The following IL1RAPL1 variants were observed in gnomAD, a reference collection of about 807,000 sequenced individuals.
IL1RAPL1 encodes the protein interleukin 1 receptor accessory protein like 1.
IL1RAPL1 carries 3 observed loss-of-function variants against 48.4 expected under a neutral mutation model. That is an observed-to-expected ratio of 0.06 (90% CI 0.03 to 0.16). The LOEUF (loss-of-function observed/expected upper bound fraction) is 0.16. Among genes scored for constraint, IL1RAPL1 ranks in the 10% least tolerant of loss-of-function variants. The pLI is 1.00. For synonymous variants in IL1RAPL1, 185 were observed against 187.7 expected (o/e 0.99, Z 0.12); for missense variants, 349 against 530.6 (o/e 0.66, Z 3.36).
intron 3 of IL1RAPL1, among the ~76,000 whole-genome samples, chrX:29,322,918 C>A (rs762197841): frequency 8.9e-6 from 1 of 111,895 alleles, no homozygotes; most frequent in Admixed American, 9.5e-5. Context: ...CTATTCAACC[C>A]TTCTCAACCT....
intron 1 of IL1RAPL1, among the ~76,000 whole-genome samples, chrX:28,675,648 A>G (rs1483461271): frequency 1.8e-5 from 2 of 112,051 alleles, no homozygotes; most frequent in Middle Eastern, 4.7e-3. Flanking sequence ...CGCATAATAT[A>G]TTGAGCATGT....
At chrX:29,330,085 T>C (rs1932872594) in intron 3 of IL1RAPL1, among the ~76,000 whole-genome samples, 1 of 111,031 alleles carries the variant, frequency 9.0e-6, no homozygotes, top group Non-Finnish European at 1.9e-5. Flanking sequence ...TGCTCTGCAA[T>C]TACATGGTAG....
At chrX:29,010,390 A>T (rs1926094339) in intron 2 of IL1RAPL1, among the ~76,000 whole-genome samples, 1 of 111,373 alleles carries the variant, frequency 9.0e-6, no homozygotes, top group Non-Finnish European at 1.9e-5. Context: ...TTTGTCATAG[A>T]TGTCTCATTA....
At chrX:28,869,119 A>G (rs1416932101) in intron 2 of IL1RAPL1, among the ~76,000 whole-genome samples, 1 of 112,702 alleles carries the variant, frequency 8.9e-6, no homozygotes, top group Non-Finnish European at 1.9e-5. Flanking sequence ...TGGTACTACA[A>G]TGTCCTCGAT....
intron 3 of IL1RAPL1, among the ~76,000 whole-genome samples, chrX:29,343,385 C>T: frequency 9.0e-6 from 1 of 111,189 alleles, no homozygotes; most frequent in Admixed American, 9.6e-5. Context: ...AGAAGTGGTA[C>T]AGGCCTAATG....
chrX:28,622,955 A>G (rs951639430), intron 1 of IL1RAPL1, among the ~76,000 whole-genome samples: 9 of 111,771 alleles, frequency 8.1e-5, no homozygotes, highest in African/African-American at 2.9e-4. Flanking sequence ...AATTGTGTGT[A>G]GAAAAAAATA....
At chrX:28,935,020 CTTG>C (rs747700802) in intron 2 of IL1RAPL1, among the ~76,000 whole-genome samples, 1 of 111,840 alleles carries the variant, frequency 8.9e-6, no homozygotes, top group Non-Finnish European at 1.9e-5. Context: ...CTCAACAATA[CTTG>C]TTGTTATCTG....
At chrX:29,767,955 T>TAA (rs11402899) in intron 6 of IL1RAPL1, among the ~76,000 whole-genome samples, 4 of 108,346 alleles carry the variant, frequency 3.7e-5, no homozygotes, top group African/African-American at 1.3e-4. Context: ...AGTTGTAAAT[T>TAA]AAAAAAAAAA....
chrX:28,919,303 G>A (rs1160767793), intron 2 of IL1RAPL1, among the ~76,000 whole-genome samples: 1 of 111,883 alleles, frequency 8.9e-6, no homozygotes, highest in African/African-American at 3.2e-5. Context: ...CTTTGCACGA[G>A]CATGGGACAA....
At chrX:29,075,559 C>G (rs920260521) in intron 2 of IL1RAPL1, among the ~76,000 whole-genome samples, 1 of 111,772 alleles carries the variant, frequency 8.9e-6, no homozygotes, top group Admixed American at 9.5e-5. Flanking sequence ...AAAAATAGTG[C>G]AGCAAATGTT....
Position 29,449,778 on chromosome X carries a change from C to CAGAGAGAG in IL1RAPL1, c.703+50471_703+50472insGAGAGAGA, listed in dbSNP as rs767669396. Among the ~76,000 whole-genome samples the CAGAGAGAG allele has an allele frequency of 5.4e-3, 313 of 57,574 alleles. 1 individual carries two copies. The highest frequency in any genetic ancestry group is 0.016 in the African/African-American group (194 of 12,009). The allele number at this position is 57,574 out of a possible 115,157, so 50.0% of individuals were successfully genotyped here. A position where few individuals can be genotyped will look rare whatever the true frequency, so the allele number is the denominator to read the frequency against. ...ACACACACACACACACACACACACA[C>CAGAGAGAG]ACAGAGAGAGAGAGAGAGAGAATAT... is the stretch of plus-strand genomic sequence containing the variant. On this transcript the variant is annotated intron_variant, in intron 5 of 10. Coordinates refer to ENST00000378993, the MANE Select transcript of IL1RAPL1 (RefSeq NM_014271.4).
intron 3 of IL1RAPL1, among the ~76,000 whole-genome samples, chrX:29,393,363 C>T (rs989241188): frequency 5.4e-4 from 60 of 111,871 alleles, no homozygotes; most frequent in Admixed American, 9.5e-4. Flanking sequence ...CCTCGTGATC[C>T]GCCCGCCTCG....
At chrX:29,090,280 G>T (rs1018401078) in intron 2 of IL1RAPL1, among the ~76,000 whole-genome samples, 1 of 111,383 alleles carries the variant, frequency 9.0e-6, no homozygotes, top group Non-Finnish European at 1.9e-5. Context: ...TAAATTTTCC[G>T]TACGTTTCCT....
chrX:28,882,659 A>G (rs779275839), intron 2 of IL1RAPL1, among the ~76,000 whole-genome samples: 1 of 111,172 alleles, frequency 9.0e-6, no homozygotes, highest in East Asian at 2.9e-4. Context: ...CCGCCACTGC[A>G]AAAAAAAGGA....
At chrX:29,212,997 C>CT (rs200074825) in intron 2 of IL1RAPL1, among the ~76,000 whole-genome samples, 1,705 of 108,143 alleles carry the variant, frequency 0.016, 34 homozygotes, top group African/African-American at 0.05. Context: ...AATTAGACAA[C>CT]TTTTTTTTTT....
chrX:29,028,919 A>G lies in IL1RAPL1; in HGVS notation c.82+239494A>G, dbSNP rs111551480. ...ATAGTGGGTGTATTCATCCATTCTC[A>G]TACTGATATAAAGAACTGCCCAAGG... On this transcript the variant is annotated intron_variant, in intron 2 of 10. Transcript: ENST00000378993. Among the ~76,000 whole-genome samples the G allele has an allele frequency of 3.5e-3, 393 of 110,933 alleles. 4 individuals are homozygous for G. The highest frequency in any genetic ancestry group is 0.012 in the African/African-American group (377 of 30,470).
chrX:29,546,029 C>T lies in IL1RAPL1; in HGVS notation c.704-122401C>T, dbSNP rs1055938692. Among the ~76,000 whole-genome samples the T allele has an allele frequency of 3.6e-5, 4 of 111,485 alleles. No homozygotes were observed. The Admixed American group carries it at 3.8e-4, about 11-fold the overall frequency. ...TGTCTGGAGACACTTTTGGTTGTGA[C>T]ATCTTCGGGGAGGATGCTACTGGTA... On this transcript the variant is annotated intron_variant, in intron 5 of 10. Transcript: ENST00000378993.
intron 2 of IL1RAPL1, among the ~76,000 whole-genome samples, chrX:29,227,334 G>A (rs769836234): frequency 7.3e-5 from 8 of 110,257 alleles, no homozygotes; most frequent in Non-Finnish European, 1.5e-4. Context: ...AAAAAGGAAA[G>A]TTGTTGAATG....
chrX:28,708,950 A>G (rs1935407692), intron 1 of IL1RAPL1, among the ~76,000 whole-genome samples: 1 of 111,564 alleles, frequency 9.0e-6, no homozygotes. Flanking sequence ...CACACTAAAT[A>G]CCCTAACTTA....
Sources: gnomAD v4.1 joint callset for allele counts (sites outside exome capture counted in the v4.1 genomes callset) on GRCh38, gnomAD v4.1.1 for gene constraint, MANE v1.5 for transcripts, NCBI Gene and HGNC (gene_info 2026-07-23, HGNC 2026-07-21) for gene names.